Variants in TARBP2 observed in about 807,000 individuals in gnomAD.
The protein encoded by TARBP2 is TARBP2 subunit of RISC loading complex.
Under a neutral mutation model 40.4 loss-of-function variants are expected in TARBP2, and 23 were observed. That is an observed-to-expected ratio of 0.57 (90% CI 0.41 to 0.81). The LOEUF (loss-of-function observed/expected upper bound fraction) is 0.81, where lower values mean the gene tolerates loss of function less well. Ranked by LOEUF, TARBP2 falls within the 30% of genes least tolerant of loss-of-function variation. The pLI is 0.00. For synonymous variants in TARBP2, 183 were observed against 190.5 expected (o/e 0.96, Z 0.32); for missense variants, 358 against 473.7 (o/e 0.76, Z 2.27).
chr12:53,503,378 G>C (rs552345660), intron 3 of TARBP2: 1 of 794,600 alleles, frequency 1.3e-6, no homozygotes, highest in Admixed American at 3.4e-5. Flanking sequence ...GGGAGGGAGA[G>C]GGGTAGAGGC....
At position 53,503,736 on chromosome 12, in the gene TARBP2, C is replaced by T. The variant is rs745993749; in HGVS notation, c.350C>T (p.Ser117Leu). 3.0e-5 allele frequency: 48 copies of T among 1,614,040 alleles called. No individual in the cohort carries two copies. Among genetic ancestry groups the T allele is most frequent in the Admixed American group, 1.8e-4 (11 of 60,010 alleles). ...AGTTCTTTTTCTCCCCTAGACTCTT[C>T]ACTGCCTGAGGACATTCCGGTTTTT... is the stretch of plus-strand genomic sequence containing the variant. Reference protein sequence around the residue: ...DSSSFSPLDSSLPEDIPVFTA... With the variant: ...DSSSFSPLDSLLPEDIPVFTA... Residue 117 changes from serine to leucine, a missense_variant, in exon 4 of 9, where the codon TCA (serine) becomes TTA (leucine). Physicochemically the swap from Ser to Leu is moderately radical, Grantham distance 145 (BLOSUM62 -2). Around this residue, in one of 3 missense-constraint regions of TARBP2, gnomAD observed 317 missense variants for 422.9 expected, o/e 0.75. Coordinates refer to ENST00000266987, the MANE Select transcript of TARBP2 (RefSeq NM_134323.2).
rs1015897163 is a variant in TARBP2, at chr12:53,506,190, C to T, written c.*42C>T. ...ATGGATGTGCACCCTTTGCTCCCTG[C>T]TCTTTCTGCCTCTGGGCTCATGTAT... On this transcript the variant is annotated 3_prime_UTR_variant, in exon 9 of 9. Coordinates refer to ENST00000266987, the MANE Select transcript of TARBP2 (RefSeq NM_134323.2). 1.9e-6 allele frequency: 3 copies of T among 1,594,472 alleles called. No homozygotes were observed. Among genetic ancestry groups the T allele is most frequent in the South Asian group, 1.1e-5 (1 of 89,334 alleles).
intron 3 of TARBP2, chr12:53,503,433 G>C (rs1436499545): frequency 6.7e-6 from 4 of 594,208 alleles, no homozygotes; most frequent in Non-Finnish European, 1.1e-5. Flanking sequence ...CCTTGTTCTA[G>C]CAAGATGTCC....
Position 53,505,381 on chromosome 12 carries a change from A to G in TARBP2, c.741+119A>G. On this transcript the variant is annotated intron_variant, in intron 7 of 8. Coordinates refer to ENST00000266987, the MANE Select transcript of TARBP2 (RefSeq NM_134323.2). This position sits in a 1 kb window ranked among gnomAD's most constrained non-coding sequence, Gnocchi z 4.5. ...TCTGGGCCCTAGGTCTGCTTCTGCC[A>G]CAGTTTTCCTACCAGACCCAGGGTT... 1 of 1,441,394 alleles carries G rather than the reference A, an allele frequency of 6.9e-7. No homozygotes were observed. The highest frequency in any genetic ancestry group is 9.2e-7 in the Non-Finnish European group (1 of 1,082,144). The allele number at this position is 1,441,394 out of a possible 1,614,324, so 89.3% of individuals were successfully genotyped here. A position where few individuals can be genotyped will look rare whatever the true frequency, so the allele number is the denominator to read the frequency against.
chr12:53,502,516 C>A, intron 2 of TARBP2: 1 of 314,652 alleles, frequency 3.2e-6, no homozygotes, highest in Non-Finnish European at 6.0e-6. Flanking sequence ...GGTGCTTAAC[C>A]AAATTCCCGT....
chr12:53,501,843 C>A, intron 1 of TARBP2, 172 bp from the exon 2 acceptor site: 1 of 1,313,488 alleles, frequency 7.6e-7, no homozygotes, highest in Non-Finnish European at 1.0e-6. Flanking sequence ...GGTAGTGGGC[C>A]CTACTTTTCC....
chr12:53,501,881 C>T, intron 1 of TARBP2, 134 bp from the exon 2 acceptor site: 5 of 1,408,984 alleles, frequency 3.5e-6, no homozygotes, highest in Non-Finnish European at 4.8e-6. Flanking sequence ...GGAACCCAGC[C>T]AATGGATGCT....
In TARBP2 at chr12:53,504,109, C is replaced by T. The variant is rs143890241; in HGVS notation, c.423-288C>T. The T allele has an allele frequency of 1.2e-5, 7 of 572,986 alleles. No homozygotes were observed. The African/African-American group carries it at 1.3e-4, about 11-fold the overall frequency. The allele number at this position is 572,986 out of a possible 1,614,324, so 35.5% of individuals were successfully genotyped here. A position where few individuals can be genotyped will look rare whatever the true frequency, so the allele number is the denominator to read the frequency against. Reference sequence around the variant, plus strand: ...TGTGTTTGAGGCCCATCAGGCACTTCTGGGACTGGAAATACAGCTCTTCTC... The same window carrying T: ...TGTGTTTGAGGCCCATCAGGCACTTTTGGGACTGGAAATACAGCTCTTCTC... On this transcript the variant is annotated intron_variant, in intron 4 of 8. Transcript: ENST00000266987.
chr12:53,504,723 G>A lies in TARBP2; in HGVS notation c.521G>A (p.Arg174Gln). The A allele has an allele frequency of 1.2e-6, 2 of 1,614,176 alleles. No individual in the cohort carries two copies. The highest frequency in any genetic ancestry group is 1.7e-6 in the Non-Finnish European group (2 of 1,180,036). ...GAGCTGGTGGTGCAGAAAGGCTGGC[G>A]GTTGCCGGAGTACACAGTGACCCAG... Reference protein sequence around the residue: ...LQELVVQKGWRLPEYTVTQES... With the variant: ...LQELVVQKGWQLPEYTVTQES... Residue 174 changes from arginine to glutamine, a missense_variant, in exon 6 of 9, where the codon CGG becomes CAG. This residue lies in a region of TARBP2 where 317 missense variants were observed against 422.9 expected (regional missense o/e 0.75). Coordinates refer to ENST00000266987, the MANE Select transcript of TARBP2 (RefSeq NM_134323.2).
chr12:53,505,966 C>T lies in TARBP2; in HGVS notation c.944-25C>T. On this transcript the variant is annotated intron_variant, in intron 8 of 8. Transcript: ENST00000266987. This position sits in a 1 kb window ranked among gnomAD's most constrained non-coding sequence, Gnocchi z 4.5. ...CCAGGGCTACCTCCCCCAACATTGC[C>T]TCCCTCCTCTCTCTTGCTCTCCAGA... The T allele has an allele frequency of 1.2e-6, 2 of 1,608,984 alleles. No homozygotes were observed. The highest frequency in any genetic ancestry group is 1.7e-6 in the Non-Finnish European group (2 of 1,175,912).
At position 53,501,351 on chromosome 12, in the gene TARBP2, T is replaced by A; in HGVS notation, c.-58T>A. The stretch of plus-strand genomic sequence containing the variant: ...GGCCCCGGCCCTAGCTCGTCGGCTG[T>A]GTATTGGGGCGCGTGGAGGCTGCAG... On this transcript the variant is annotated 5_prime_UTR_variant, in exon 1 of 9. Transcript: ENST00000266987. 1 of 1,540,490 alleles carries A rather than the reference T, an allele frequency of 6.5e-7. No homozygotes were observed. The highest frequency in any genetic ancestry group is 1.4e-5 in the African/African-American group (1 of 72,662).
intron 2 of TARBP2, 65 bp downstream of exon 2, chr12:53,502,249 G>A: frequency 6.3e-7 from 1 of 1,575,932 alleles, no homozygotes; most frequent in Non-Finnish European, 8.6e-7. Flanking sequence ...TTTGTTTCTT[G>A]GAGTCTCTCT....
intron 2 of TARBP2, 42 bp from the exon 3 acceptor site, chr12:53,502,985 C>G (rs1943787732): frequency 6.6e-7 from 1 of 1,520,824 alleles, no homozygotes; most frequent in Non-Finnish European, 8.9e-7. Flanking sequence ...TCTTTCCCGT[C>G]CTTTCAGTGA....
intron 3 of TARBP2, 167 bp downstream of exon 3, chr12:53,503,296 G>A (rs1309308835): frequency 1.4e-6 from 2 of 1,389,122 alleles, no homozygotes; most frequent in African/African-American, 2.9e-5. Flanking sequence ...CTGCTGCTAT[G>A]AAGAATTCTT....
Position 53,505,400 on chromosome 12 carries a change from C to G in TARBP2, c.741+138C>G. 7.3e-7 allele frequency: 1 copy of G among 1,377,718 alleles called. No homozygotes were observed. The highest frequency in any genetic ancestry group is 9.7e-7 in the Non-Finnish European group (1 of 1,030,258). 85.3% of individuals were successfully genotyped at this position (1,377,718 alleles called of 1,614,324 possible). ...TCTGCCACAGTTTTCCTACCAGACC[C>G]AGGGTTCCTGGGGCCGACTCAGCCT... is the stretch of plus-strand genomic sequence containing the variant. On this transcript the variant is annotated intron_variant, in intron 7 of 8. Coordinates refer to ENST00000266987, the MANE Select transcript of TARBP2 (RefSeq NM_134323.2). This position sits in a 1 kb window ranked among gnomAD's most constrained non-coding sequence, Gnocchi z 4.5.
rs562284475 is a variant in TARBP2, at chr12:53,505,192, G to C, written c.671G>C (p.Arg224Pro). The C allele has an allele frequency of 6.2e-7, 1 of 1,611,798 alleles. No homozygotes were observed. Among genetic ancestry groups the C allele is most frequent in the Non-Finnish European group, 8.5e-7 (1 of 1,178,068 alleles). The part of the protein sequence containing the change: ...KRNAAAKMLL[R>P]VHTVPLDARD... ...AATGCGGCGGCCAAAATGCTGCTTC[G>C]AGTGCACACGGTGCCTCTGGATGCC... Residue 224 changes from arginine (R) to proline (P), a missense_variant, in exon 7 of 9, where the codon CGA (arginine) becomes CCA (proline). This residue lies in a region of TARBP2 where 317 missense variants were observed against 422.9 expected (regional missense o/e 0.75). Coordinates refer to ENST00000266987, the MANE Select transcript of TARBP2 (RefSeq NM_134323.2). This position sits in a 1 kb window ranked among gnomAD's most constrained non-coding sequence, Gnocchi z 4.5.
upstream of TARBP2, chr12:53,501,206 G>A: frequency 1.7e-6 from 1 of 596,832 alleles, no homozygotes; most frequent in South Asian, 2.1e-5. Context: ...AGCCACGCAC[G>A]CAGAGGGTTG....
chr12:53,505,047 T>TG lies in TARBP2; in HGVS notation c.614-82dup. On this transcript the variant is annotated intron_variant, in intron 6 of 8. Transcript: ENST00000266987. The surrounding 1 kb of genome is among the most constrained non-coding windows in gnomAD (Gnocchi z 4.5). Reference sequence around the variant, plus strand: ...GAGTTCCCCTTTCCAGTTGACATTCTGGGGGGACCCTCAATCCAAGTATGA... The same window carrying TG: ...GAGTTCCCCTTTCCAGTTGACATTCTGGGGGGGACCCTCAATCCAAGTATGA... 1 of 1,533,168 alleles carries TG rather than the reference T, an allele frequency of 6.5e-7. No individual in the cohort carries two copies. Among genetic ancestry groups the TG allele is most frequent in the South Asian group, 1.3e-5 (1 of 78,450 alleles). 95.0% of individuals were successfully genotyped at this position (1,533,168 alleles called of 1,614,324 possible).
Position 53,502,005 on chromosome 12 carries a change from C to T in TARBP2, c.54-10C>T, listed in dbSNP as rs1325265499. ...GGAGGTGTGATGTGGGTCTGTGCCC[C>T]TTCCCCCAGTATAGAGCAAATGCTG... On this transcript the variant is annotated splice_polypyrimidine_tract_variant and intron_variant, in intron 1 of 8. Coordinates refer to ENST00000266987, the MANE Select transcript of TARBP2 (RefSeq NM_134323.2). The T allele has an allele frequency of 3.1e-6, 5 of 1,613,984 alleles. No homozygotes were observed. The South Asian group carries it at 5.5e-5, about 18-fold the overall frequency.
Sources: gnomAD v4.1 joint callset for allele counts on GRCh38, gnomAD v4.1.1 for gene constraint, gnomAD v4.1.1 regional missense constraint, Gnocchi (gnomAD v3.1) non-coding constraint, MANE v1.5 for transcripts, NCBI Gene and HGNC (gene_info 2026-07-23, HGNC 2026-07-21) for gene names.